Variants in TMEM44 observed in about 807,000 individuals in gnomAD.
TMEM44 encodes the protein transmembrane protein 44.
A neutral mutation model predicts 47.8 loss-of-function variants in TMEM44; 43 were observed. That is an observed-to-expected ratio of 0.90 (90% CI 0.70 to 1.16). The LOEUF (loss-of-function observed/expected upper bound fraction) is 1.16, where lower values mean the gene tolerates loss of function less well. TMEM44 is among the 50% of genes most tolerant of loss of function. The pLI, the probability that TMEM44 is intolerant of heterozygous loss-of-function variation, is 0.00. For missense variants in TMEM44, 568 were observed against 555.2 expected, an observed-to-expected ratio of 1.02 and a Z score of -0.23; for synonymous variants, 277 against 238.8, an observed-to-expected ratio of 1.16 and a Z score of -1.48.
At position 194,632,964 on chromosome 3, in the gene TMEM44, G is replaced by C. The variant is rs897546903; in HGVS notation, c.137+115C>G. On this transcript the variant is annotated intron_variant, in intron 1 of 9. Transcript: ENST00000347147. Reference sequence around the variant, plus strand: ...CAATGTTCCATTGGATCCTATTACTGAGCCATCTCCTTCATCCCCCTTTCC... The same window carrying C: ...CAATGTTCCATTGGATCCTATTACTCAGCCATCTCCTTCATCCCCCTTTCC... 4.7e-5 allele frequency: 66 copies of C among 1,395,278 alleles called. No individual in the cohort carries two copies. In the African/African-American group the frequency reaches 8.8e-4, roughly 19 times the overall value. The allele number at this position is 1,395,278 out of a possible 1,614,324, so 86.4% of individuals were successfully genotyped here. A position where few individuals can be genotyped will look rare whatever the true frequency, so the allele number is the denominator to read the frequency against.
intron 2 of TMEM44, among the ~76,000 whole-genome samples, chr3:194,627,458 C>T (rs922312191): frequency 3.3e-5 from 5 of 152,270 alleles, no homozygotes; most frequent in East Asian, 1.9e-4. Flanking sequence ...TGAGGGCCTA[C>T]GCTTTTGAGA....
At chr3:194,596,066 G>A (rs1713371496) in intron 9 of TMEM44, among the ~76,000 whole-genome samples, 1 of 152,156 alleles carries the variant, frequency 6.6e-6, no homozygotes, top group Non-Finnish European at 1.5e-5. Context: ...AGAGAAAGCT[G>A]GCTGGGTGCA....
chr3:194,620,632 G>A (rs1466156443), intron 5 of TMEM44, among the ~76,000 whole-genome samples: 2 of 152,174 alleles, frequency 1.3e-5, no homozygotes, highest in African/African-American at 4.8e-5. Flanking sequence ...ATGATCTGAA[G>A]AAAATAAAGC....
intron 9 of TMEM44, among the ~76,000 whole-genome samples, chr3:194,590,548 C>G (rs576262306): frequency 1.3e-5 from 2 of 152,304 alleles, no homozygotes; most frequent in South Asian, 2.1e-4. Flanking sequence ...AAGTAGGGCC[C>G]TGTTCTGTTC....
Position 194,623,119 on chromosome 3 carries a change from A to T in TMEM44, c.612+105T>A, listed in dbSNP as rs578239174. 4.5e-4 allele frequency: 487 copies of T among 1,078,252 alleles called. 5 individuals carry two copies. The South Asian group carries it at 7.4e-3, about 16-fold the overall frequency. 66.8% of individuals were successfully genotyped at this position (1,078,252 alleles called of 1,614,324 possible). On this transcript the variant is annotated intron_variant, in intron 5 of 9. Coordinates refer to ENST00000347147, the MANE Select transcript of TMEM44 (RefSeq NM_001011655.3). ...GGAAAAGCTGAGCCCATGTCCATGCACCCACGGTGACGCCACACCTCCGCC... is the reference window on the plus strand; with the variant it reads ...GGAAAAGCTGAGCCCATGTCCATGCTCCCACGGTGACGCCACACCTCCGCC...
chr3:194,616,660 C>A, intron 6 of TMEM44: 5 of 449,256 alleles, frequency 1.1e-5, no homozygotes, highest in South Asian at 7.8e-5. Context: ...TTCACACACA[C>A]CCCACCACCA....
chr3:194,592,912 C>T, intron 9 of TMEM44: 1 of 1,192,790 alleles, frequency 8.4e-7, no homozygotes, highest in South Asian at 1.2e-5. Flanking sequence ...CGCGCCTGGC[C>T]TGACATTCTT....
intron 9 of TMEM44, chr3:194,593,209 A>C: frequency 2.4e-6 from 2 of 818,332 alleles, no homozygotes; most frequent in East Asian, 5.1e-5. Context: ...GGGGCAAAGG[A>C]ACAGGTGACT....
At chr3:194,601,913 G>A (rs1370155690) in intron 9 of TMEM44, among the ~76,000 whole-genome samples, 6 of 152,246 alleles carry the variant, frequency 3.9e-5, no homozygotes, top group South Asian at 2.1e-4. Context: ...GAGGGTGGGC[G>A]GCAAGAGTCA....
intron 9 of TMEM44, among the ~76,000 whole-genome samples, chr3:194,590,503 C>T (rs1712527030): frequency 1.3e-5 from 2 of 152,208 alleles, no homozygotes; most frequent in South Asian, 4.1e-4. Context: ...CTCACCAGGC[C>T]CCTCAGCCTA....
At chr3:194,598,814 A>C (rs1713721338) in intron 9 of TMEM44, among the ~76,000 whole-genome samples, 1 of 152,178 alleles carries the variant, frequency 6.6e-6, no homozygotes, top group South Asian at 2.1e-4. Flanking sequence ...CCCAGAGTTA[A>C]GGTGCCAAAT....
At position 194,610,987 on chromosome 3, in the gene TMEM44, G is replaced by C. The variant is rs967024916; in HGVS notation, c.946C>G (p.His316Asp). Residue 316 changes from histidine (H) to aspartate (D), a missense_variant, in exon 8 of 10, where the codon CAC becomes GAC. By Grantham distance (81) the His-to-Asp change is moderately conservative. Transcript: ENST00000347147. ...GTCATTGTCCTCAGTGACTTGCAGT[G>C]TGACAGTGTGGTGAGAGGCACCCAA... ...LDWVPLTTLS[H>D]CKSLRTMTAI... The C allele has an allele frequency of 6.2e-7, 1 of 1,613,974 alleles. No individual in the cohort carries two copies. Among genetic ancestry groups the C allele is most frequent in the Non-Finnish European group, 8.5e-7 (1 of 1,180,016 alleles).
rs919558215 is a variant in TMEM44, at chr3:194,628,634, C to T, written c.138-125G>A. On this transcript the variant is annotated intron_variant, in intron 1 of 9. Transcript: ENST00000347147. ...CTCTTTCTGCCCGAGGTATTTAGGA[C>T]GTGTTTTTGAACTGAGTTTACAGAT... The T allele has an allele frequency of 2.6e-5, 32 of 1,218,570 alleles. No individual in the cohort carries two copies. The Admixed American group carries it at 4.9e-4, about 19-fold the overall frequency. The allele number at this position is 1,218,570 out of a possible 1,614,324, so 75.5% of individuals were successfully genotyped here.
chr3:194,622,788 C>T (rs59314970), intron 5 of TMEM44: 7,982 of 161,188 alleles, frequency 0.05, 713 homozygotes, highest in African/African-American at 0.18. Flanking sequence ...CCTCAAGCGA[C>T]CCGCCCCGCC....
At chr3:194,625,273 C>T (rs56070469) in intron 3 of TMEM44, among the ~76,000 whole-genome samples, 53,000 of 152,018 alleles carry the variant, frequency 0.35, 9,801 homozygotes, top group Non-Finnish European at 0.42. Flanking sequence ...CTAGCCTTTG[C>T]CCATGCTGCT....
intron 1 of TMEM44, among the ~76,000 whole-genome samples, chr3:194,631,044 C>A (rs1438307972): frequency 6.7e-6 from 1 of 150,358 alleles, no homozygotes; most frequent in Non-Finnish European, 1.5e-5. Flanking sequence ...GTCGGCATCA[C>A]TGATAGGGCC....
chr3:194,614,232 G>C (rs1348315705), intron 7 of TMEM44, among the ~76,000 whole-genome samples: 1 of 152,204 alleles, frequency 6.6e-6, no homozygotes, highest in African/African-American at 2.4e-5. Flanking sequence ...CTCGTGGCTT[G>C]AGAGGACTTT....
chr3:194,612,370 T>C (rs1168793309), intron 7 of TMEM44, among the ~76,000 whole-genome samples: 1 of 152,202 alleles, frequency 6.6e-6, no homozygotes, highest in Non-Finnish European at 1.5e-5. Context: ...TGGGCACCTA[T>C]ATAAAAAATG....
At position 194,629,992 on chromosome 3, in the gene TMEM44, G is replaced by C. The variant is rs13062044; in HGVS notation, c.138-1483C>G. 1.3e-4 allele frequency among the ~76,000 whole-genome samples: 6 copies of C among 47,888 alleles called. No homozygotes were observed. In the Admixed American group the frequency reaches 1.7e-3, roughly 14 times the overall value. 31.4% of individuals were successfully genotyped at this position (47,888 alleles called of 152,430 possible). On this transcript the variant is annotated intron_variant, in intron 1 of 9. Transcript: ENST00000347147. ...CGTCACTGATAGGGCCCCTGAAATA[G>C]TATGCTGTCGTACCTGCCTCCAGAA...
Sources: gnomAD v4.1 joint callset for allele counts (sites outside exome capture counted in the v4.1 genomes callset) on GRCh38, gnomAD v4.1.1 for gene constraint, MANE v1.5 for transcripts, NCBI Gene and HGNC (gene_info 2026-07-23, HGNC 2026-07-21) for gene names.